The following NEURL4 variants were observed in gnomAD, a reference collection of about 807,000 sequenced individuals.
The protein encoded by NEURL4 is neuralized-like protein 4.
Under a neutral mutation model 148.0 loss-of-function variants are expected in NEURL4, and 45 were observed. The ratio of observed to expected loss-of-function variants is 0.30; its 90% confidence interval spans 0.24 to 0.39. The LOEUF is 0.39. NEURL4 is among the 10% of genes least tolerant of loss of function. NEURL4 has a pLI of 1.00. For missense variants in NEURL4, 1,776 were observed against 2,144.0 expected (o/e 0.83, Z 3.39); for synonymous variants, 854 against 869.0 (o/e 0.98, Z 0.30).
rs746382647 is a variant in NEURL4, at chr17:7,316,149, AGAG to A, written c.4660_4662del (p.Leu1554del). The A allele has an allele frequency of 6.4e-7, 1 of 1,569,454 alleles. No homozygotes were observed. Among genetic ancestry groups the A allele is most frequent in the South Asian group, 1.1e-5 (1 of 90,214 alleles). On this transcript the variant is annotated inframe_deletion, in exon 29 of 29. Coordinates refer to ENST00000399464, the MANE Select transcript of NEURL4 (RefSeq NM_032442.3). ...CATTCCACCCGTACCAGCAGGGCAC[AGAG>A]GAGTGTGGCCCCCTTCTCCTTAGTG...
chr17:7,323,388 G>T, intron 14 of NEURL4, 97 bp downstream of exon 14: 1 of 1,298,494 alleles, frequency 7.7e-7, no homozygotes, highest in African/African-American at 1.4e-5. Context: ...CCCTAGGTCT[G>T]TCACTACCCA....
chr17:7,325,758 T>C, intron 6 of NEURL4, 45 bp from the exon 7 acceptor site: 3 of 1,482,876 alleles, frequency 2.0e-6, no homozygotes, highest in Non-Finnish European at 1.9e-6. Context: ...TGAGGCCTGC[T>C]CAGCACCCCA....
Position 7,321,541 on chromosome 17 carries a change from C to T in NEURL4, c.3099+19G>A, listed in dbSNP as rs750436826. On this transcript the variant is annotated intron_variant, in intron 18 of 28. Coordinates refer to ENST00000399464, the MANE Select transcript of NEURL4 (RefSeq NM_032442.3). The surrounding 1 kb of genome is among the most constrained non-coding windows in gnomAD (Gnocchi z 6.3). ...TCCACTCCCAACCCCTCCCCTGTCC[C>T]TGGAGCCAGCCACTTCACCCCCAGC... 3.1e-6 allele frequency: 5 copies of T among 1,613,752 alleles called. No homozygotes were observed. The East Asian group carries it at 1.1e-4, about 36-fold the overall frequency.
At position 7,326,806 on chromosome 17, in the gene NEURL4, T is replaced by C; in HGVS notation, c.997A>G (p.Asn333Asp). The change falls in exon 4 of 29, where the codon AAT (asparagine) becomes GAT (aspartate). Residue 333 changes from asparagine to aspartate, a missense_variant. By Grantham distance (23) the Asn-to-Asp change is conservative (BLOSUM62 1). Coordinates refer to ENST00000399464, the MANE Select transcript of NEURL4 (RefSeq NM_032442.3). This position sits in a 1 kb window ranked among gnomAD's most constrained non-coding sequence, Gnocchi z 6.0. ...KCGTLIKLSN[N>D]NKTAERRRPL... ...CGCCGGCGCTCAGCCGTCTTATTATTGTTGCTGAGTTTGATGAGGGTCCCG... is the reference window on the plus strand; with the variant it reads ...CGCCGGCGCTCAGCCGTCTTATTATCGTTGCTGAGTTTGATGAGGGTCCCG... 6.2e-7 allele frequency: 1 copy of C among 1,613,364 alleles called. No individual in the cohort carries two copies. Among genetic ancestry groups the C allele is most frequent in the Non-Finnish European group, 8.5e-7 (1 of 1,179,804 alleles).
In NEURL4 at chr17:7,317,974, C is replaced by G. The variant is rs139635041; in HGVS notation, c.4061-42G>C. ...AGCAGGCTTGGTGCTGTGGCTCCCACCTCAACCACAGTGGCACCCTCCAGC... is the reference window on the plus strand; with the variant it reads ...AGCAGGCTTGGTGCTGTGGCTCCCAGCTCAACCACAGTGGCACCCTCCAGC... On this transcript the variant is annotated intron_variant, in intron 25 of 28. Transcript: ENST00000399464. 3 of 1,613,618 alleles carry G rather than the reference C, an allele frequency of 1.9e-6. No individual in the cohort carries two copies. The East Asian group carries it at 6.7e-5, about 36-fold the overall frequency.
At chr17:7,320,325 G>A (rs2073014341) in intron 21 of NEURL4, among the ~76,000 whole-genome samples, 1 of 152,088 alleles carries the variant, frequency 6.6e-6, no homozygotes, top group African/African-American at 2.4e-5. Flanking sequence ...TGTAGAGACA[G>A]AGTTTCACTA....
chr17:7,320,535 T>G (rs1197387304), intron 21 of NEURL4, among the ~76,000 whole-genome samples: 1 of 152,178 alleles, frequency 6.6e-6, no homozygotes, highest in East Asian at 1.9e-4. Flanking sequence ...GCATTTCTCT[T>G]GGACTCCTCC....
At position 7,321,292 on chromosome 17, in the gene NEURL4, C is replaced by T; in HGVS notation, c.3199-19G>A. On this transcript the variant is annotated intron_variant, in intron 19 of 28. Transcript: ENST00000399464. This position sits in a 1 kb window ranked among gnomAD's most constrained non-coding sequence, Gnocchi z 6.3. ...ACACGTTCTGGGAGGCACACAAGACCCAGAAAATCAGAGATCAGCAGAAGA... is the reference window on the plus strand; with the variant it reads ...ACACGTTCTGGGAGGCACACAAGACTCAGAAAATCAGAGATCAGCAGAAGA... 6.2e-7 allele frequency: 1 copy of T among 1,612,912 alleles called. No homozygotes were observed. The highest frequency in any genetic ancestry group is 8.5e-7 in the Non-Finnish European group (1 of 1,179,130).
At chr17:7,323,322 C>G (rs182533155) in intron 14 of NEURL4, among the ~76,000 whole-genome samples, 163 bp downstream of exon 14, 1 of 152,300 alleles carries the variant, frequency 6.6e-6, no homozygotes, top group East Asian at 1.9e-4. Context: ...GAGGACTGAG[C>G]CCCTGTGGGC....
chr17:7,329,133 C>T lies in NEURL4; in HGVS notation c.180G>A (p.Thr60=), dbSNP rs766418777. 1.2e-6 allele frequency: 2 copies of T among 1,609,550 alleles called. No individual in the cohort carries two copies. The highest frequency in any genetic ancestry group is 2.2e-5 in the East Asian group (1 of 44,822). The stretch of plus-strand genomic sequence containing the variant: ...CCTGGCCCGGCTGCTGCCGCCGCGC[C>T]GTACGCCCACAGGCCGACAGGCTCA... ...RLVSLSACGR[T]ARRQQPGQEF... is the part of the protein sequence containing the mutation. The change falls in exon 1 of 29, where the codon ACG becomes ACA. Residue 60 remains threonine (T), a synonymous_variant. Coordinates refer to ENST00000399464, the MANE Select transcript of NEURL4 (RefSeq NM_032442.3).
In NEURL4 at chr17:7,329,188, C is replaced by T. The variant is rs1266140831; in HGVS notation, c.125G>A (p.Gly42Glu). The T allele has an allele frequency of 5.7e-6, 9 of 1,587,130 alleles. No homozygotes were observed. The African/African-American group carries it at 9.4e-5, about 17-fold the overall frequency. The change falls in exon 1 of 29, where the codon GGG (glycine) becomes GAG (glutamate). Residue 42 changes from glycine (G) to glutamate (E), a missense_variant. Gly to Glu is a moderately conservative substitution (Grantham distance 98). Transcript: ENST00000399464. The part of the protein sequence containing the change: ...PGSNGGLGSG[G>E]ELHPRTGRLV... The stretch of plus-strand genomic sequence containing the variant: ...GCGCCCAGTGCGCGGGTGCAGTTCC[C>T]CGCCGCTGCCCAGACCCCCGTTGGA...
Position 7,326,111 on chromosome 17 carries a change from A to T in NEURL4, c.1293+144T>A, listed in dbSNP as rs1340354341. The T allele has an allele frequency of 2.7e-6, 2 of 739,328 alleles. No individual in the cohort carries two copies. Among genetic ancestry groups the T allele is most frequent in the Non-Finnish European group, 4.5e-6 (2 of 440,584 alleles). The allele number at this position is 739,328 out of a possible 1,614,324, so 45.8% of individuals were successfully genotyped here. A position where few individuals can be genotyped will look rare whatever the true frequency, so the allele number is the denominator to read the frequency against. On this transcript the variant is annotated intron_variant, in intron 6 of 28. Coordinates refer to ENST00000399464, the MANE Select transcript of NEURL4 (RefSeq NM_032442.3). This position sits in a 1 kb window ranked among gnomAD's most constrained non-coding sequence, Gnocchi z 6.0. ...TGAGTGCTGAACTCTTGGGCAACTCAGGCTTCTAGGAAGGAACCTTTAGGT... is the reference window on the plus strand; with the variant it reads ...TGAGTGCTGAACTCTTGGGCAACTCTGGCTTCTAGGAAGGAACCTTTAGGT...
chr17:7,321,320 T>C lies in NEURL4; in HGVS notation c.3198+41A>G. ...GAAAATCAGAGATCAGCAGAAGACCTCAACCATCCTCCCAGAACCCAAGGA... is the reference window on the plus strand; with the variant it reads ...GAAAATCAGAGATCAGCAGAAGACCCCAACCATCCTCCCAGAACCCAAGGA... On this transcript the variant is annotated intron_variant, in intron 19 of 28. Transcript: ENST00000399464. The surrounding 1 kb of genome is among the most constrained non-coding windows in gnomAD (Gnocchi z 6.3). The C allele has an allele frequency of 6.2e-7, 1 of 1,613,446 alleles. No homozygotes were observed. Among genetic ancestry groups the C allele is most frequent in the Non-Finnish European group, 8.5e-7 (1 of 1,179,700 alleles).
chr17:7,325,070 G>A (rs2073084345), intron 8 of NEURL4, 90 bp from the exon 9 acceptor site: 2 of 1,561,946 alleles, frequency 1.3e-6, no homozygotes, highest in Admixed American at 1.7e-5. Context: ...AACACTCACT[G>A]CCCCAAGCCA....
rs1225591316 is a variant in NEURL4 at position 7,323,877 on chromosome 17, C to T, written c.2198G>A (p.Gly733Asp). 1 of 1,613,928 alleles carries T rather than the reference C, an allele frequency of 6.2e-7. No homozygotes were observed. Among genetic ancestry groups the T allele is most frequent in the Non-Finnish European group, 8.5e-7 (1 of 1,180,014 alleles). Reference sequence around the variant, plus strand: ...ACAGTTGTGGCGGAGGGCGGTGCGGCCCCCGTTAGTGATGACTGCGTTACT... The same window carrying T: ...ACAGTTGTGGCGGAGGGCGGTGCGGTCCCCGTTAGTGATGACTGCGTTACT... ...HGSNAVITNG[G>D]RTALRHNCRS... Residue 733 changes from glycine to aspartate, a missense_variant, in exon 12 of 29, where the codon GGC becomes GAC. By Grantham distance (94) the Gly-to-Asp change is moderately conservative (BLOSUM62 -1). Transcript: ENST00000399464.
Position 7,318,418 on chromosome 17 carries a change from C to A in NEURL4, c.3865-62G>T. On this transcript the variant is annotated intron_variant, in intron 23 of 28. Transcript: ENST00000399464. The surrounding 1 kb of genome is among the most constrained non-coding windows in gnomAD (Gnocchi z 4.3). The stretch of plus-strand genomic sequence containing the variant: ...GACCCCAGGGCCTGCTGATCCCTCC[C>A]TGGAACAGAGATTTCCCCTGTCCTG... The A allele has an allele frequency of 3.7e-6, 6 of 1,611,424 alleles. No homozygotes were observed. Among genetic ancestry groups the A allele is most frequent in the Non-Finnish European group, 5.1e-6 (6 of 1,178,056 alleles).
chr17:7,318,020 C>T lies in NEURL4; in HGVS notation c.4060+45G>A. On this transcript the variant is annotated intron_variant, in intron 25 of 28. Transcript: ENST00000399464. This position sits in a 1 kb window ranked among gnomAD's most constrained non-coding sequence, Gnocchi z 4.3. ...CCAGCTGCTCTCCAAGGCTCTAGGC[C>T]TGGCCCTGGGAATGAAGTCAGTTCT... is the stretch of plus-strand genomic sequence containing the variant. 2.5e-6 allele frequency: 4 copies of T among 1,613,616 alleles called. No individual in the cohort carries two copies. Among genetic ancestry groups the T allele is most frequent in the Non-Finnish European group, 3.4e-6 (4 of 1,179,488 alleles).
At chr17:7,320,946 G>A (rs746898241) in intron 20 of NEURL4, 23 bp from the exon 21 acceptor site, 34 of 1,612,786 alleles carry the variant, frequency 2.1e-5, no homozygotes, top group Non-Finnish European at 2.7e-5. Flanking sequence ...AAGGGACTGA[G>A]CTGCATGGGT....
Position 7,319,096 on chromosome 17 carries a change from G to A in NEURL4, c.3638C>T (p.Ala1213Val), listed in dbSNP as rs768216730. Residue 1213 changes from alanine (A) to valine (V), a missense_variant, in exon 22 of 29, where the codon GCA becomes GTA. Physicochemically the swap from Ala to Val is moderately conservative, Grantham distance 64. Transcript: ENST00000399464. ...FPASACALKR[A>V]AWLLRGRGVF... ...CCCACGGCCCCGCAGCAGCCAGGCT[G>A]CCCGTTTGAGGGCACAGGCAGAAGC... 2 of 1,613,914 alleles carry A rather than the reference G, an allele frequency of 1.2e-6. No individual in the cohort carries two copies. The highest frequency in any genetic ancestry group is 2.2e-5 in the East Asian group (1 of 44,880).
Sources: gnomAD v4.1 joint callset for allele counts (sites outside exome capture counted in the v4.1 genomes callset) on GRCh38, gnomAD v4.1.1 for gene constraint, Gnocchi (gnomAD v3.1) non-coding constraint, MANE v1.5 for transcripts, NCBI Gene and HGNC (gene_info 2026-07-23, HGNC 2026-07-21) for gene names.